The following ART3 variants were observed in gnomAD, a reference collection of about 807,000 sequenced individuals.
ART3 encodes the protein ADP-ribosyltransferase 3 (inactive), also known as ecto-ADP-ribosyltransferase 3.
ART3 carries 49 observed loss-of-function variants against 48.5 expected under a neutral mutation model. That is an observed-to-expected ratio of 1.01 (90% confidence interval 0.80 to 1.28). The LOEUF is 1.28. ART3 is among the 50% of genes most tolerant of loss of function. ART3 has a pLI of 0.00. For missense variants in ART3, 438 were observed against 454.3 expected, an observed-to-expected ratio of 0.96 and a Z score of 0.33; for synonymous variants, 145 against 157.2, an observed-to-expected ratio of 0.92 and a Z score of 0.58.
chr4:76,031,608 T>C (rs990715575), intron 1 of ART3, among the ~76,000 whole-genome samples: 1 of 152,248 alleles, frequency 6.6e-6, no homozygotes, highest in Non-Finnish European at 1.5e-5. Flanking sequence ...TACAGTTTCA[T>C]GTCCTTCATC....
intron 1 of ART3, among the ~76,000 whole-genome samples, chr4:76,040,452 A>ACG (rs938859813): frequency 2.5e-4 from 9 of 36,280 alleles, no homozygotes; most frequent in African/African-American, 1.2e-3. Context: ...ACACACACAC[A>ACG]CACACACACA....
chr4:76,021,866 G>A (rs1224690834), intron 1 of ART3: 5 of 1,468,324 alleles, frequency 3.4e-6, no homozygotes, highest in Non-Finnish European at 3.8e-6. Context: ...GGAAGTGATG[G>A]GAGAGGCAGC....
At chr4:76,103,200 C>T (rs534528170) in intron 8 of ART3, among the ~76,000 whole-genome samples, 29 of 152,108 alleles carry the variant, frequency 1.9e-4, no homozygotes, top group African/African-American at 5.1e-4. Flanking sequence ...GGTTAGGAGA[C>T]GATAAGGATT....
At chr4:76,028,491 A>G (rs1338649088) in intron 1 of ART3, among the ~76,000 whole-genome samples, 1 of 152,250 alleles carries the variant, frequency 6.6e-6, no homozygotes, top group African/African-American at 2.4e-5. Context: ...GTCTGCCCTG[A>G]CAAACTAATG....
chr4:76,106,022 T>C, intron 10 of ART3: 1 of 985,326 alleles, frequency 1.0e-6, no homozygotes, highest in East Asian at 1.1e-4. Context: ...CCTGGAAAGC[T>C]ATGTGTAGCT....
chr4:76,032,872 C>A (rs57430951), intron 1 of ART3, among the ~76,000 whole-genome samples: 1 of 151,932 alleles, frequency 6.6e-6, no homozygotes, highest in East Asian at 1.9e-4. Flanking sequence ...AGATGTGAGC[C>A]ATCGCACCCA....
intron 1 of ART3, among the ~76,000 whole-genome samples, chr4:76,052,744 T>C (rs2149460579): frequency 7.0e-6 from 1 of 142,626 alleles, no homozygotes; most frequent in Admixed American, 7.7e-5. Context: ...AGACAGAGTC[T>C]TGCTCTGTCA....
chr4:76,070,560 A>T (rs984089756), upstream of ART3, among the ~76,000 whole-genome samples: 2 of 152,170 alleles, frequency 1.3e-5, no homozygotes, highest in African/African-American at 4.8e-5. Flanking sequence ...TACAGTCTTT[A>T]TTCAATCCAA....
intron 3 of ART3, among the ~76,000 whole-genome samples, chr4:76,097,193 A>G (rs1277284080): frequency 6.6e-6 from 1 of 152,088 alleles, no homozygotes; most frequent in African/African-American, 2.4e-5. Flanking sequence ...ATACTAAAAT[A>G]TAATTGTTCT....
intron 1 of ART3, among the ~76,000 whole-genome samples, chr4:76,023,687 T>C (rs1733103623): frequency 6.6e-6 from 1 of 152,228 alleles, no homozygotes; most frequent in Non-Finnish European, 1.5e-5. Flanking sequence ...TGCTCCTCTT[T>C]TTTTGGTAAT....
chr4:76,036,160 C>T (rs1036801647), intron 1 of ART3: 2 of 586,376 alleles, frequency 3.4e-6, no homozygotes, highest in African/African-American at 3.8e-5. Flanking sequence ...TTGAGTCATG[C>T]ACCTTTCCTG....
intron 1 of ART3, among the ~76,000 whole-genome samples, chr4:76,061,302 G>C (rs187997688): frequency 1.3e-5 from 2 of 152,094 alleles, no homozygotes; most frequent in East Asian, 3.9e-4. Context: ...CAGAAATCTG[G>C]GGGTCAGTTT....
intron 2 of ART3, among the ~76,000 whole-genome samples, chr4:76,080,976 A>G (rs963047785): frequency 3.9e-5 from 6 of 152,166 alleles, no homozygotes; most frequent in Admixed American, 1.3e-4. Flanking sequence ...GAACATATGT[A>G]TATGTATAAT....
intron 3 of ART3, among the ~76,000 whole-genome samples, chr4:76,088,500 G>T (rs1268881674): frequency 6.6e-6 from 1 of 152,052 alleles, no homozygotes; most frequent in African/African-American, 2.4e-5. Context: ...ATCAAAAGGG[G>T]GAAAGAAGGT....
intron 1 of ART3, among the ~76,000 whole-genome samples, chr4:76,013,690 A>G (rs546562006): frequency 6.6e-6 from 1 of 152,350 alleles, no homozygotes; most frequent in African/African-American, 2.4e-5. Flanking sequence ...TGTAGGGACA[A>G]AGGTTAAAAA....
Position 76,089,820 on chromosome 4 carries a change from G to C in ART3, c.781+7285G>C, listed in dbSNP as rs533082352. 2.6e-4 allele frequency among the ~76,000 whole-genome samples: 39 copies of C among 152,198 alleles called. 1 individual carries two copies. The highest frequency in any genetic ancestry group is 2.5e-3 in the Admixed American group (38 of 15,282). ...TTGGAGGCTGGGCGCGGTGGCTCACGTCTGTAATCCCAGCACTTTGGGAGG... is the reference window on the plus strand; with the variant it reads ...TTGGAGGCTGGGCGCGGTGGCTCACCTCTGTAATCCCAGCACTTTGGGAGG... On this transcript the variant is annotated intron_variant, in intron 3 of 11. Coordinates refer to ENST00000355810, the MANE Select transcript of ART3 (RefSeq NM_001130016.3).
intron 1 of ART3, among the ~76,000 whole-genome samples, chr4:76,030,811 T>A (rs1733808187): frequency 6.6e-6 from 1 of 152,240 alleles, no homozygotes; most frequent in South Asian, 2.1e-4. Context: ...TATCAGTACT[T>A]CATTCCTTTT....
intron 3 of ART3, among the ~76,000 whole-genome samples, chr4:76,087,970 T>A (rs1388977965): frequency 1.3e-5 from 2 of 152,200 alleles, no homozygotes; most frequent in African/African-American, 4.8e-5. Context: ...GGTGTGTGCC[T>A]GTAGACCCAA....
chr4:76,086,525 G>T (rs183309838), intron 3 of ART3, among the ~76,000 whole-genome samples: 1 of 152,336 alleles, frequency 6.6e-6, no homozygotes, highest in Non-Finnish European at 1.5e-5. Context: ...AGGATGAACA[G>T]ATTTGGAGAT....
Sources: gnomAD v4.1 joint callset for allele counts (sites outside exome capture counted in the v4.1 genomes callset) on GRCh38, gnomAD v4.1.1 for gene constraint, MANE v1.5 for transcripts, NCBI Gene and HGNC (gene_info 2026-07-23, HGNC 2026-07-21) for gene names.